The following TNK2 variants were observed in gnomAD, a reference collection of about 807,000 sequenced individuals.
The protein encoded by TNK2 is activated CDC42 kinase 1.
Under a neutral mutation model 101.8 loss-of-function variants are expected in TNK2, and 83 were observed. That is an observed-to-expected ratio of 0.82 (90% CI 0.68 to 0.98). The LOEUF is 0.98. TNK2 is among the 50% of genes least tolerant of loss of function. The pLI is 0.00. For synonymous variants in TNK2, 804 were observed against 633.0 expected, an observed-to-expected ratio of 1.27 and a Z score of -4.06; for missense variants, 1,665 against 1,483.2, an observed-to-expected ratio of 1.12 and a Z score of -2.01.
intron 9 of TNK2, among the ~76,000 whole-genome samples, chr3:195,874,579 TC>T (rs200006490): frequency 1.9e-3 from 141 of 73,772 alleles, no homozygotes; most frequent in Middle Eastern, 0.01. Flanking sequence ...CACAAGAAGC[TC>T]CCCCTCGGGA....
chr3:195,879,748 G>A (rs1227100344), intron 6 of TNK2, among the ~76,000 whole-genome samples: 1 of 152,154 alleles, frequency 6.6e-6, no homozygotes, highest in Admixed American at 6.5e-5. Context: ...GCAGAGAGGA[G>A]GGTGGTGCCC....
chr3:195,884,942 G>A lies in TNK2; in HGVS notation c.326C>T (p.Ala109Val), dbSNP rs763489801. The A allele has an allele frequency of 4.9e-5, 79 of 1,613,848 alleles. No homozygotes were observed. The highest frequency in any genetic ancestry group is 6.5e-5 in the Non-Finnish European group (77 of 1,179,978). The change falls in exon 4 of 16, where the codon GCA becomes GTA. Residue 109 changes from alanine to valine, a missense_variant. Around this residue, in one of 3 missense-constraint regions of TNK2, gnomAD observed 490 missense variants for 522.5 expected, o/e 0.94. Transcript: ENST00000672887. ...GAGGCTCTGCAGGGGCCCCTCCCCT[G>A]CTGGGCCCCCAGGGGCGGGCGAGGT... ...RKTSPAPGGP[A>V]GEGPLQSLTC...
At chr3:195,895,119 C>G in intron 1 of TNK2, 1 of 872,352 alleles carries the variant, frequency 1.1e-6, no homozygotes, top group Non-Finnish European at 1.6e-6. Flanking sequence ...CGCTCTCTGT[C>G]CCCTGGCCCA....
chr3:195,885,388 C>A lies in TNK2; in HGVS notation c.235-355G>T, dbSNP rs1455051101. The A allele has an allele frequency of 2.2e-6, 3 of 1,345,398 alleles. No individual in the cohort carries two copies. The East Asian group carries it at 1.2e-4, about 53-fold the overall frequency. The allele number at this position is 1,345,398 out of a possible 1,614,324, so 83.3% of individuals were successfully genotyped here. A position where few individuals can be genotyped will look rare whatever the true frequency, so the allele number is the denominator to read the frequency against. On this transcript the variant is annotated intron_variant, in intron 3 of 15. Coordinates refer to ENST00000672887, the MANE Select transcript of TNK2 (RefSeq NM_001382273.1). The surrounding 1 kb of genome is among the most constrained non-coding windows in gnomAD (Gnocchi z 4.7). ...GCCCCACCCTCCCTTCCTGCACCCGCCACCCCGCAGACTCCAGCCCTAACC... is the reference window on the plus strand; with the variant it reads ...GCCCCACCCTCCCTTCCTGCACCCGACACCCCGCAGACTCCAGCCCTAACC...
intron 10 of TNK2, chr3:195,870,449 C>A: frequency 7.5e-7 from 1 of 1,336,750 alleles, no homozygotes; most frequent in Non-Finnish European, 9.8e-7. Context: ...ACTCCAACTA[C>A]ACCCTACAAG....
Position 195,885,545 on chromosome 3 carries a change from T to A in TNK2, c.235-512A>T. 2 of 1,291,356 alleles carry A rather than the reference T, an allele frequency of 1.5e-6. No homozygotes were observed. The highest frequency in any genetic ancestry group is 2.0e-6 in the Non-Finnish European group (2 of 989,958). The allele number at this position is 1,291,356 out of a possible 1,614,324, so 80.0% of individuals were successfully genotyped here. Reference sequence around the variant, plus strand: ...CCAGGGAGTCGGCTGCCCTTCATCCTGCCCAGGGGAGAGGATAATTTTAGT... The same window carrying A: ...CCAGGGAGTCGGCTGCCCTTCATCCAGCCCAGGGGAGAGGATAATTTTAGT... On this transcript the variant is annotated intron_variant, in intron 3 of 15. Transcript: ENST00000672887. The surrounding 1 kb of genome is among the most constrained non-coding windows in gnomAD (Gnocchi z 4.7).
chr3:195,869,858 G>A (rs554364667), intron 11 of TNK2: 101 of 558,872 alleles, frequency 1.8e-4, no homozygotes, highest in Non-Finnish European at 2.4e-4. Context: ...GAGCTCGGCC[G>A]TGGAAGGAGG....
chr3:195,887,594 T>G (rs1207928462), intron 2 of TNK2, among the ~76,000 whole-genome samples: 1 of 152,234 alleles, frequency 6.6e-6, no homozygotes, highest in Non-Finnish European at 1.5e-5. Flanking sequence ...TATTACCTAT[T>G]TAGCTATTTT....
At chr3:195,907,720 G>A (rs11926661) in intron 1 of TNK2, among the ~76,000 whole-genome samples, 3,604 of 152,320 alleles carry the variant, frequency 0.024, 83 homozygotes, top group African/African-American at 0.068. Flanking sequence ...TGGGCTGGGA[G>A]CTCCTGTCCT....
At chr3:195,891,544 CGT>C (rs1758429112) in intron 1 of TNK2, among the ~76,000 whole-genome samples, 1 of 152,202 alleles carries the variant, frequency 6.6e-6, no homozygotes. Flanking sequence ...GAGGACCAGG[CGT>C]CGTGGCTTTC....
rs748200070 is a variant in TNK2 at position 195,882,151 on chromosome 3, G to T, written c.787C>A (p.Arg263Ser). 3 of 1,613,786 alleles carry T rather than the reference G, an allele frequency of 1.9e-6. No homozygotes were observed. Among genetic ancestry groups the T allele is most frequent in the African/African-American group, 1.3e-5 (1 of 74,932 alleles). ...LAARNLLLATRDLVKIGDFGL... is the reference protein window; with the variant it reads ...LAARNLLLATSDLVKIGDFGL... Reference sequence around the variant, plus strand: ...AAGTCCCCGATCTTGACCAGGTCGCGGGTAGCCAACAGCAGATTGCGGGCA... The same window carrying T: ...AAGTCCCCGATCTTGACCAGGTCGCTGGTAGCCAACAGCAGATTGCGGGCA... Residue 263 changes from arginine (R) to serine (S), a missense_variant, in exon 6 of 16, where the codon CGC (arginine) becomes AGC (serine). Transcript: ENST00000672887. This position sits in a 1 kb window ranked among gnomAD's most constrained non-coding sequence, Gnocchi z 4.2.
chr3:195,900,624 G>A (rs1053644806), intron 1 of TNK2, among the ~76,000 whole-genome samples: 3 of 152,236 alleles, frequency 2.0e-5, no homozygotes, highest in African/African-American at 4.8e-5. Flanking sequence ...GACACCAGCA[G>A]CAGTGGGTGG....
Position 195,887,974 on chromosome 3 carries a change from G to A in TNK2, c.163+452C>T, listed in dbSNP as rs145183858. On this transcript the variant is annotated intron_variant, in intron 2 of 15. Coordinates refer to ENST00000672887, the MANE Select transcript of TNK2 (RefSeq NM_001382273.1). ...TGCCTGCGTGTGTGTGTGTGTGTGTGTATGCCTGTGCGTGTGCATGCGTGT... is the reference window on the plus strand; with the variant it reads ...TGCCTGCGTGTGTGTGTGTGTGTGTATATGCCTGTGCGTGTGCATGCGTGT... 1.5e-3 allele frequency among the ~76,000 whole-genome samples: 209 copies of A among 143,284 alleles called. 1 individual carries two copies. Among genetic ancestry groups the A allele is most frequent in the African/African-American group, 5.3e-3 (203 of 38,092 alleles). The allele number at this position is 143,284 out of a possible 152,430, so 94.0% of individuals were successfully genotyped here.
At chr3:195,903,673 T>C (rs1761455412) in intron 1 of TNK2, among the ~76,000 whole-genome samples, 1 of 151,966 alleles carries the variant, frequency 6.6e-6, no homozygotes, top group Admixed American at 6.6e-5. Context: ...GCCAAGATTG[T>C]GCCACTGCAC....
chr3:195,863,840 G>A lies in TNK2; in HGVS notation c.*341C>T, dbSNP rs770786785. 5.8e-5 allele frequency: 18 copies of A among 309,872 alleles called. No individual in the cohort carries two copies. The highest frequency in any genetic ancestry group is 1.0e-4 in the Non-Finnish European group (17 of 167,800). 19.2% of individuals were successfully genotyped at this position (309,872 alleles called of 1,614,324 possible). ...CAGTCTGTCACCCAGGGCAGGGCCT[G>A]GGGGTACTACTCCACCCACAGGCCC... is the stretch of plus-strand genomic sequence containing the variant. On this transcript the variant is annotated 3_prime_UTR_variant, in exon 16 of 16. Coordinates refer to ENST00000672887, the MANE Select transcript of TNK2 (RefSeq NM_001382273.1).
intron 12 of TNK2, chr3:195,869,026 C>A: frequency 2.1e-6 from 1 of 469,582 alleles, no homozygotes; most frequent in South Asian, 3.2e-5. Context: ...GGCGGCCCTG[C>A]TCCTGCGCCC....
chr3:195,881,601 C>A (rs1235280881), intron 6 of TNK2, among the ~76,000 whole-genome samples: 15 of 99,036 alleles, frequency 1.5e-4, no homozygotes, highest in African/African-American at 6.4e-4. Context: ...CCAGCGATGC[C>A]CCTTGAAGAG....
At chr3:195,893,537 G>A (rs1192106586) in intron 1 of TNK2, among the ~76,000 whole-genome samples, 1 of 152,052 alleles carries the variant, frequency 6.6e-6, no homozygotes, top group Non-Finnish European at 1.5e-5. Context: ...TCAGATTAAG[G>A]GGCCTAGAGA....
At chr3:195,901,106 G>T (rs1320049719) in intron 1 of TNK2, among the ~76,000 whole-genome samples, 1 of 152,248 alleles carries the variant, frequency 6.6e-6, no homozygotes, top group Non-Finnish European at 1.5e-5. Context: ...GCAGGGCCCA[G>T]GAGAGCCTGG....
Sources: gnomAD v4.1 joint callset for allele counts (sites outside exome capture counted in the v4.1 genomes callset) on GRCh38, gnomAD v4.1.1 for gene constraint, gnomAD v4.1.1 regional missense constraint, Gnocchi (gnomAD v3.1) non-coding constraint, MANE v1.5 for transcripts, NCBI Gene and HGNC (gene_info 2026-07-23, HGNC 2026-07-21) for gene names.